ERBB4: variants seen among roughly 807,000 people sequenced by gnomAD.
The protein encoded by ERBB4 is erb-b2 receptor tyrosine kinase 4.
A neutral mutation model predicts 158.0 loss-of-function variants in ERBB4; 42 were observed. That is an observed-to-expected ratio of 0.27 (90% confidence interval 0.21 to 0.34). The LOEUF is 0.34. Ranked by LOEUF, ERBB4 falls within the 10% of genes least tolerant of loss-of-function variation. ERBB4 has a pLI of 1.00. For missense variants in ERBB4, 1,333 were observed against 1,624.1 expected, an observed-to-expected ratio of 0.82 and a Z score of 3.08; for synonymous variants, 583 against 558.7, an observed-to-expected ratio of 1.04 and a Z score of -0.61.
At chr2:211,432,674 A>G (rs1559162767) in intron 20 of ERBB4, among the ~76,000 whole-genome samples, 2 of 152,142 alleles carry the variant, frequency 1.3e-5, no homozygotes, top group Non-Finnish European at 2.9e-5. Flanking sequence ...CCCAAGTAAT[A>G]CTATCCCTTT....
intron 1 of ERBB4, among the ~76,000 whole-genome samples, chr2:212,293,241 T>G (rs2086274842): frequency 6.6e-6 from 1 of 151,942 alleles, no homozygotes; most frequent in African/African-American, 2.4e-5. Flanking sequence ...TTGTATAAGA[T>G]TAATAAAAAG....
At chr2:212,369,157 C>T (rs555170986) in intron 1 of ERBB4, among the ~76,000 whole-genome samples, 13 of 151,912 alleles carry the variant, frequency 8.6e-5, no homozygotes, top group Non-Finnish European at 1.9e-4. Flanking sequence ...AATTATTTGC[C>T]AAAATTAAAA....
At chr2:212,285,437 T>C (rs985513786) in intron 1 of ERBB4, among the ~76,000 whole-genome samples, 2 of 151,922 alleles carry the variant, frequency 1.3e-5, no homozygotes, top group African/African-American at 4.8e-5. Flanking sequence ...CAACAAACAT[T>C]CTAAGAGAGA....
At chr2:212,227,997 C>T (rs748048681) in intron 1 of ERBB4, among the ~76,000 whole-genome samples, 26 of 152,062 alleles carry the variant, frequency 1.7e-4, no homozygotes, top group Non-Finnish European at 1.0e-4. Flanking sequence ...AAGGGCATGT[C>T]GCAATGTTCA....
chr2:211,481,419 A>G (rs970266225), intron 20 of ERBB4, among the ~76,000 whole-genome samples: 1 of 152,174 alleles, frequency 6.6e-6, no homozygotes, highest in Admixed American at 6.6e-5. Flanking sequence ...AAGGCAGGGT[A>G]AAGTTAACAC....
chr2:211,944,982 T>C (rs2080639277), intron 3 of ERBB4, among the ~76,000 whole-genome samples: 1 of 152,166 alleles, frequency 6.6e-6, no homozygotes, highest in African/African-American at 2.4e-5. Context: ...TTAAGGCCAG[T>C]CCAGTAGCTC....
intron 1 of ERBB4, among the ~76,000 whole-genome samples, chr2:212,326,533 C>T (rs1242957631): frequency 1.3e-5 from 2 of 150,752 alleles, no homozygotes; most frequent in African/African-American, 4.8e-5. Flanking sequence ...AGCCCAAAAG[C>T]TCCTTACATA....
intron 25 of ERBB4, among the ~76,000 whole-genome samples, chr2:211,391,233 A>G (rs940200725): frequency 1.3e-5 from 2 of 152,172 alleles, no homozygotes; most frequent in Non-Finnish European, 2.9e-5. Flanking sequence ...AACTTTTAAT[A>G]TTGGAAAGAA....
chr2:212,443,717 T>TATCAG (rs952771099), intron 1 of ERBB4, among the ~76,000 whole-genome samples: 11 of 152,200 alleles, frequency 7.2e-5, no homozygotes, highest in Non-Finnish European at 1.3e-4. Context: ...GTGCTTGAAG[T>TATCAG]ATCAGTGGCA....
At chr2:211,950,440 G>T (rs2080843035) in intron 2 of ERBB4, among the ~76,000 whole-genome samples, 1 of 152,056 alleles carries the variant, frequency 6.6e-6, no homozygotes, top group South Asian at 2.1e-4. Context: ...TTCTAACATT[G>T]TACCTGGCCA....
At chr2:211,833,340 C>G (rs1178141145) in intron 3 of ERBB4, among the ~76,000 whole-genome samples, 5 of 152,100 alleles carry the variant, frequency 3.3e-5, no homozygotes, top group Admixed American at 3.3e-4. Flanking sequence ...CATTTTTCTG[C>G]TCTGCCATTC....
intron 1 of ERBB4, among the ~76,000 whole-genome samples, chr2:212,130,493 G>A (rs1326343740): frequency 6.6e-6 from 1 of 152,054 alleles, no homozygotes; most frequent in African/African-American, 2.4e-5. Context: ...GGATTAATTT[G>A]ATTCATGGGG....
At chr2:211,577,518 C>T (rs2067927103) in intron 19 of ERBB4, among the ~76,000 whole-genome samples, 1 of 152,034 alleles carries the variant, frequency 6.6e-6, no homozygotes, top group Non-Finnish European at 1.5e-5. Context: ...AAAAAGAAAA[C>T]TTCAGGCCAA....
chr2:212,373,928 TC>T (rs1403102117), intron 1 of ERBB4, among the ~76,000 whole-genome samples: 1 of 76,934 alleles, frequency 1.3e-5, no homozygotes, highest in African/African-American at 8.4e-5. Context: ...TATATATATA[TC>T]CATATATATC....
intron 1 of ERBB4, among the ~76,000 whole-genome samples, chr2:212,387,348 A>G (rs2090710287): frequency 6.6e-6 from 1 of 152,170 alleles, no homozygotes; most frequent in Non-Finnish European, 1.5e-5. Flanking sequence ...GCAGCGTTGA[A>G]GAATTTGGGC....
At chr2:211,808,714 C>T (rs1273333540) in intron 3 of ERBB4, among the ~76,000 whole-genome samples, 3 of 152,066 alleles carry the variant, frequency 2.0e-5, no homozygotes, top group Admixed American at 6.6e-5. Context: ...TAAATCACTT[C>T]GGGCAGTATG....
intron 20 of ERBB4, among the ~76,000 whole-genome samples, chr2:211,523,470 G>A (rs2066245703): frequency 6.6e-6 from 1 of 151,522 alleles, no homozygotes; most frequent in South Asian, 2.1e-4. Flanking sequence ...GAGTGTTACA[G>A]CTCTTAAGGT....
intron 1 of ERBB4, among the ~76,000 whole-genome samples, chr2:212,511,348 C>T (rs772666020): frequency 7.2e-5 from 11 of 152,124 alleles, no homozygotes; most frequent in Non-Finnish European, 1.3e-4. Context: ...AATAGCTTCA[C>T]CTAAAATTCA....
chr2:212,143,285 A>G (rs937374806), intron 1 of ERBB4, among the ~76,000 whole-genome samples: 10 of 152,136 alleles, frequency 6.6e-5, no homozygotes, highest in African/African-American at 2.4e-4. Flanking sequence ...TTGTATGCCA[A>G]TTTACTGTCA....
Sources: gnomAD v4.1 joint callset for allele counts (sites outside exome capture counted in the v4.1 genomes callset) on GRCh38, gnomAD v4.1.1 for gene constraint, MANE v1.5 for transcripts, NCBI Gene and HGNC (gene_info 2026-07-23, HGNC 2026-07-21) for gene names.